NCAPD3: variants seen among roughly 807,000 people sequenced by gnomAD.
The protein encoded by NCAPD3 is condensin-2 complex subunit D3.
NCAPD3 carries 105 observed loss-of-function variants against 182.9 expected under a neutral mutation model. The observed-to-expected ratio is 0.57, with a 90% confidence interval of 0.49 to 0.68. The LOEUF (loss-of-function observed/expected upper bound fraction) is 0.68. Ranked by LOEUF, NCAPD3 falls within the 30% of genes least tolerant of loss-of-function variation. NCAPD3 has a pLI of 0.00. For missense variants in NCAPD3, 1,944 were observed against 1,837.0 expected (o/e 1.06, Z -1.07); for synonymous variants, 815 against 679.9 (o/e 1.20, Z -3.09).
intron 23 of NCAPD3, 90 bp downstream of exon 23, chr11:134,177,129 A>T: frequency 1.9e-6 from 2 of 1,037,530 alleles, no homozygotes. Context: ...TTCTACTACA[A>T]AGCAAGCACA....
At chr11:134,224,533 G>C (rs1161397750), upstream of NCAPD3, 3 of 152,548 alleles carry the variant, frequency 2.0e-5, no homozygotes, top group Admixed American at 1.3e-4. Context: ...CCGCTGGAGC[G>C]CCGGCCGCGC....
At chr11:134,180,720 CA>C (rs1329937600) in intron 20 of NCAPD3, among the ~76,000 whole-genome samples, 2 of 152,104 alleles carry the variant, frequency 1.3e-5, no homozygotes, top group African/African-American at 4.8e-5. Flanking sequence ...TTTAAAAAAG[CA>C]AACACACAAA....
chr11:134,190,297 C>A lies in NCAPD3; in HGVS notation c.2045+2392G>T, dbSNP rs867384571. Among the ~76,000 whole-genome samples the A allele has an allele frequency of 4.6e-5, 7 of 152,320 alleles. No homozygotes were observed. The South Asian group carries it at 1.5e-3, about 32-fold the overall frequency. On this transcript the variant is annotated intron_variant, in intron 16 of 34. Coordinates refer to ENST00000534548, the MANE Select transcript of NCAPD3 (RefSeq NM_015261.3). ...CAAGTAAATGCACCCTCCAGCTCAT[C>A]CTACATACTTTTTTATATTTTAGCT...
chr11:134,155,493 C>G (rs531515478), intron 32 of NCAPD3, among the ~76,000 whole-genome samples: 2 of 152,276 alleles, frequency 1.3e-5, no homozygotes, highest in Admixed American at 1.3e-4. Flanking sequence ...AGAACAAGTA[C>G]TCTACCAACT....
chr11:134,196,658 A>AG (rs1464589497), intron 13 of NCAPD3, among the ~76,000 whole-genome samples: 4 of 151,104 alleles, frequency 2.6e-5, no homozygotes, highest in African/African-American at 4.8e-5. Context: ...AAAAAAAAAA[A>AG]AAAAGAAAAG....
chr11:134,203,268 T>G, intron 11 of NCAPD3, 70 bp from the exon 12 acceptor site: 2 of 1,128,834 alleles, frequency 1.8e-6, no homozygotes, highest in Non-Finnish European at 2.6e-6. Flanking sequence ...CACGGAGGAA[T>G]CAAAATCAAG....
intron 19 of NCAPD3, chr11:134,183,278 C>T: frequency 2.5e-6 from 1 of 404,260 alleles, no homozygotes; most frequent in South Asian, 1.8e-5. Context: ...GTTAATTCCT[C>T]CTGATCACTC....
At chr11:134,164,675 T>A (rs978781808) in intron 27 of NCAPD3, among the ~76,000 whole-genome samples, 3 of 144,458 alleles carry the variant, frequency 2.1e-5, no homozygotes, top group African/African-American at 5.2e-5. Context: ...TTGGGGGAGC[T>A]GCACACTCAC....
At chr11:134,165,463 A>C (rs550080368) in intron 27 of NCAPD3, among the ~76,000 whole-genome samples, 10 of 136,328 alleles carry the variant, frequency 7.3e-5, no homozygotes, top group African/African-American at 2.8e-4. Context: ...TGGCACACTC[A>C]TGAGATGAGC....
Position 134,150,606 on chromosome 11 carries a change from T to G in NCAPD3, c.*2338A>C, listed in dbSNP as rs189196329. 1.3e-5 allele frequency: 2 copies of G among 152,294 alleles called. No individual in the cohort carries two copies. The highest frequency in any genetic ancestry group is 6.5e-5 in the Admixed American group (1 of 15,302). 9.4% of individuals were successfully genotyped at this position (152,294 alleles called of 1,614,324 possible). ...CTCCTGTAACAGACCTCTTTTTGGT[T>G]ATGGATGGCTCACAAAATAGGGCCC... On this transcript the variant is annotated 3_prime_UTR_variant, in exon 35 of 35. Coordinates refer to ENST00000534548, the MANE Select transcript of NCAPD3 (RefSeq NM_015261.3).
At chr11:134,176,898 C>T (rs1029262328) in intron 23 of NCAPD3, among the ~76,000 whole-genome samples, 1 of 152,156 alleles carries the variant, frequency 6.6e-6, no homozygotes, top group African/African-American at 2.4e-5. Context: ...TGGACTTGTC[C>T]AAGTTAAAAA....
chr11:134,160,427 A>G (rs1421617037), intron 28 of NCAPD3, among the ~76,000 whole-genome samples: 1 of 152,096 alleles, frequency 6.6e-6, no homozygotes, highest in Non-Finnish European at 1.5e-5. Flanking sequence ...TTAATGGGCA[A>G]TCTCTCCCAG....
intron 7 of NCAPD3, 70 bp downstream of exon 7, chr11:134,208,794 A>G (rs1050792515): frequency 6.9e-6 from 7 of 1,009,942 alleles, no homozygotes; most frequent in African/African-American, 1.6e-5. Flanking sequence ...TGCTTTTAAC[A>G]TATTTCCATC....
upstream of NCAPD3, chr11:134,225,386 C>T (rs1938431543): frequency 1.9e-6 from 3 of 1,601,190 alleles, no homozygotes; most frequent in Non-Finnish European, 2.6e-6. Flanking sequence ...GCGCCGACAG[C>T]CGGCCGGGGA....
intron 32 of NCAPD3, among the ~76,000 whole-genome samples, chr11:134,154,281 A>C (rs1001160649): frequency 6.6e-6 from 1 of 152,128 alleles, no homozygotes; most frequent in Non-Finnish European, 1.5e-5. Flanking sequence ...AGAAGCTGGT[A>C]AATTTACTGC....
At chr11:134,217,951 A>C (rs928138303) in intron 2 of NCAPD3, among the ~76,000 whole-genome samples, 1 of 152,100 alleles carries the variant, frequency 6.6e-6, no homozygotes, top group African/African-American at 2.4e-5. Flanking sequence ...ATAAAAAATT[A>C]GCTGGGCGTG....
At chr11:134,171,615 T>C (rs12807349) in intron 24 of NCAPD3, among the ~76,000 whole-genome samples, 3 of 152,100 alleles carry the variant, frequency 2.0e-5, no homozygotes, top group Non-Finnish European at 4.4e-5. Flanking sequence ...GAAGCAGTAT[T>C]TCCTACACCC....
chr11:134,206,659 G>A lies in NCAPD3; in HGVS notation c.956C>T (p.Ala319Val). The stretch of plus-strand genomic sequence containing the variant: ...GACTTGGGAGGTAACAGCAAGGGGG[G>A]CACGATGGGATCCTTCACCAACTTC... ...MLEVGEGSHR[A>V]PLAVTSQVIN... Residue 319 changes from alanine (A) to valine (V), a missense_variant, in exon 8 of 35, where the codon GCC becomes GTC. Ala to Val is a moderately conservative substitution (Grantham distance 64). Coordinates refer to ENST00000534548, the MANE Select transcript of NCAPD3 (RefSeq NM_015261.3). 1 of 1,613,600 alleles carries A rather than the reference G, an allele frequency of 6.2e-7. No individual in the cohort carries two copies. The highest frequency in any genetic ancestry group is 8.5e-7 in the Non-Finnish European group (1 of 1,179,768).
Position 134,203,645 on chromosome 11 carries a change from C to T in NCAPD3, c.1468+9G>A, listed in dbSNP as rs374636540. 349 of 1,609,942 alleles carry T rather than the reference C, an allele frequency of 2.2e-4. 2 individuals carry two copies. Among genetic ancestry groups the T allele is most frequent in the Middle Eastern group, 1.3e-3 (7 of 5,228 alleles). On this transcript the variant is annotated intron_variant, in intron 11 of 34. Transcript: ENST00000534548. The stretch of plus-strand genomic sequence containing the variant: ...ACCGGTTTACTGTCCCAATAGTCGC[C>T]ATACTCACTGTTAATCAGGAGCTCC...
Sources: gnomAD v4.1 joint callset for allele counts (sites outside exome capture counted in the v4.1 genomes callset) on GRCh38, gnomAD v4.1.1 for gene constraint, MANE v1.5 for transcripts, NCBI Gene and HGNC (gene_info 2026-07-23, HGNC 2026-07-21) for gene names.